SPARC: variants seen among roughly 807,000 people sequenced by gnomAD.
SPARC encodes secreted protein acidic and cysteine rich, also known as basement-membrane protein 40.
Under a neutral mutation model 37.7 loss-of-function variants are expected in SPARC, and 23 were observed. The ratio of observed to expected loss-of-function variants is 0.61; its 90% CI spans 0.44 to 0.87. The LOEUF (loss-of-function observed/expected upper bound fraction) is 0.87. Ranked by LOEUF, SPARC falls within the 40% of genes least tolerant of loss-of-function variation. The probability of loss-of-function intolerance (pLI) is 0.00; values close to 1 mark genes in which losing one functional copy is unlikely to be tolerated. For synonymous variants in SPARC, 155 were observed against 150.8 expected (o/e 1.03, Z -0.20); for missense variants, 312 against 389.0 (o/e 0.80, Z 1.66).
chr5:151,685,420 T>TCACACACACACA (rs368789187), intron 1 of SPARC, among the ~76,000 whole-genome samples: 90 of 107,210 alleles, frequency 8.4e-4, no homozygotes, highest in East Asian at 7.0e-3. Context: ...TCCCTCTCTC[T>TCACACACACACA]CTCACACACA....
rs1488777325 is a variant in SPARC at position 151,666,316 on chromosome 5, C to T, written c.734+45G>A. ...AGGCTTTCTGGCCATAGCTAGTGCA[C>T]CTGCCAGCCTTGAGCTCTGTTCACT... On this transcript the variant is annotated intron_variant, in intron 8 of 9. Coordinates refer to ENST00000231061, the MANE Select transcript of SPARC (RefSeq NM_003118.4). The T allele has an allele frequency of 2.5e-6, 4 of 1,584,642 alleles. No homozygotes were observed. In the East Asian group the frequency reaches 9.0e-5, roughly 36 times the overall value.
chr5:151,672,768 C>T, intron 4 of SPARC: 1 of 283,820 alleles, frequency 3.5e-6, no homozygotes, highest in South Asian at 5.0e-5. Flanking sequence ...GGGGCACGGG[C>T]TGATACAGAA....
At chr5:151,683,093 G>A (rs1288461268) in intron 1 of SPARC, among the ~76,000 whole-genome samples, 2 of 151,048 alleles carry the variant, frequency 1.3e-5, no homozygotes, top group South Asian at 2.1e-4. Flanking sequence ...TTGAGGTTGG[G>A]AGGGAGGGAG....
At chr5:151,673,094 G>C (rs377182633) in intron 4 of SPARC, 35 bp downstream of exon 4, 17 of 1,511,028 alleles carry the variant, frequency 1.1e-5, no homozygotes, top group Non-Finnish European at 1.5e-5. Flanking sequence ...GCCAAGGGCA[G>C]CTTGGATGTG....
At position 151,676,214 on chromosome 5, in the gene SPARC, G is replaced by C. The variant is rs375445438; in HGVS notation, c.-13-13C>G. The C allele has an allele frequency of 1.3e-6, 2 of 1,594,052 alleles. No homozygotes were observed. The highest frequency in any genetic ancestry group is 1.7e-6 in the Non-Finnish European group (2 of 1,166,336). ...GGTGCTGGGAACCCTATGGGGAGGA[G>C]AGATTGAGAGTTCAGTGAGGGTGAG... On this transcript the variant is annotated splice_polypyrimidine_tract_variant and intron_variant, in intron 1 of 9. Coordinates refer to ENST00000231061, the MANE Select transcript of SPARC (RefSeq NM_003118.4).
chr5:151,671,833 G>A, intron 4 of SPARC, 139 bp from the exon 5 acceptor site: 2 of 1,046,736 alleles, frequency 1.9e-6, no homozygotes, highest in Non-Finnish European at 2.7e-6. Flanking sequence ...AGTCCTGCCT[G>A]CTCTTGCACT....
Position 151,663,454 on chromosome 5 carries a change from T to A in SPARC, c.*117A>T. The A allele has an allele frequency of 3.1e-6, 3 of 981,490 alleles. No individual in the cohort carries two copies. The highest frequency in any genetic ancestry group is 4.8e-6 in the Non-Finnish European group (3 of 626,806). 60.8% of individuals were successfully genotyped at this position (981,490 alleles called of 1,614,324 possible). A position where few individuals can be genotyped will look rare whatever the true frequency, so the allele number is the denominator to read the frequency against. ...AGCACCGTTAATGTATTCACTTAAA[T>A]CTATGTTAGCACCTTGTCTCCAGGC... On this transcript the variant is annotated 3_prime_UTR_variant, in exon 10 of 10. Coordinates refer to ENST00000231061, the MANE Select transcript of SPARC (RefSeq NM_003118.4).
chr5:151,666,564 G>T lies in SPARC; in HGVS notation c.586-55C>A, dbSNP rs1238287743. 16 of 1,552,198 alleles carry T rather than the reference G, an allele frequency of 1.0e-5. No individual in the cohort carries two copies. The East Asian group carries it at 3.2e-4, about 31-fold the overall frequency. On this transcript the variant is annotated intron_variant, in intron 7 of 9. Coordinates refer to ENST00000231061, the MANE Select transcript of SPARC (RefSeq NM_003118.4). Reference sequence around the variant, plus strand: ...AGGTCCATGGAGATTGTCTGGACCAGTCGGGCCCTCCCACCCCTCCCAGAA... The same window carrying T: ...AGGTCCATGGAGATTGTCTGGACCATTCGGGCCCTCCCACCCCTCCCAGAA...
intron 8 of SPARC, among the ~76,000 whole-genome samples, chr5:151,665,239 C>T (rs866013088): frequency 6.6e-6 from 1 of 152,212 alleles, no homozygotes; most frequent in Non-Finnish European, 1.5e-5. Flanking sequence ...TGCACCCCAT[C>T]TGAAAGCCTC....
chr5:151,680,591 A>G (rs1390224164), intron 1 of SPARC, among the ~76,000 whole-genome samples: 2 of 152,140 alleles, frequency 1.3e-5, no homozygotes, highest in Non-Finnish European at 2.9e-5. Context: ...ACCATGGTAG[A>G]CAGAGTGATA....
chr5:151,671,805 G>C, intron 4 of SPARC, 111 bp from the exon 5 acceptor site: 1 of 1,472,694 alleles, frequency 6.8e-7, no homozygotes, highest in Non-Finnish European at 9.2e-7. Flanking sequence ...CCCCCACTCT[G>C]GGCTTTGGAC....
intron 3 of SPARC, among the ~76,000 whole-genome samples, chr5:151,673,508 T>G (rs1031064451): frequency 2.6e-5 from 4 of 152,238 alleles, no homozygotes; most frequent in African/African-American, 9.6e-5. Flanking sequence ...ACCTGCCTCC[T>G]ATTCTATGCA....
rs377137899 is a variant in SPARC at position 151,663,789 on chromosome 5, C to T, written c.884-190G>A. Among the ~76,000 whole-genome samples, 64 of 152,304 alleles carry T rather than the reference C, an allele frequency of 4.2e-4. No homozygotes were observed. The East Asian group carries it at 7.9e-3, about 19-fold the overall frequency. Reference sequence around the variant, plus strand: ...CTGGCCTGTCCCTGTCTCTTACACACGCTGCCAAGTTACACTTCCTGTTTC... The same window carrying T: ...CTGGCCTGTCCCTGTCTCTTACACATGCTGCCAAGTTACACTTCCTGTTTC... On this transcript the variant is annotated intron_variant, in intron 9 of 9. Coordinates refer to ENST00000231061, the MANE Select transcript of SPARC (RefSeq NM_003118.4).
At chr5:151,677,308 T>C (rs1246644158) in intron 1 of SPARC, among the ~76,000 whole-genome samples, 1 of 152,180 alleles carries the variant, frequency 6.6e-6, no homozygotes, top group African/African-American at 2.4e-5. Context: ...CCATCTCCCC[T>C]GCAGCCACAA....
chr5:151,665,182 C>T (rs1311487516), intron 8 of SPARC, among the ~76,000 whole-genome samples: 1 of 152,126 alleles, frequency 6.6e-6, no homozygotes, highest in African/African-American at 2.4e-5. Context: ...GAGGAGGAAG[C>T]GGGTCCCCTT....
At position 151,666,393 on chromosome 5, in the gene SPARC, C is replaced by T. The variant is rs1581519926; in HGVS notation, c.702G>A (p.Gln234=). ...YNMYIFPVHW[Q]FGQLDQHPID... ...TGGGGTGCTGGTCCAGCTGGCCGAA[C>T]TGCCAGTGTACAGGGAAGATGTACA... The change falls in exon 8 of 10, where the codon CAG becomes CAA. Residue 234 remains glutamine (Q), a synonymous_variant. Transcript: ENST00000231061. 1 of 1,614,124 alleles carries T rather than the reference C, an allele frequency of 6.2e-7. No homozygotes were observed. The highest frequency in any genetic ancestry group is 8.5e-7 in the Non-Finnish European group (1 of 1,179,974).
At chr5:151,673,056 G>GGCT (rs1252510527) in intron 4 of SPARC, 73 bp downstream of exon 4, 1 of 1,016,510 alleles carries the variant, frequency 9.8e-7, no homozygotes, top group African/African-American at 1.6e-5. Context: ...GCCTCATGTA[G>GGCT]GCTGTCCTCG....
At chr5:151,671,747 C>T in intron 4 of SPARC, 53 bp from the exon 5 acceptor site, 1 of 1,605,694 alleles carries the variant, frequency 6.2e-7, no homozygotes, top group Non-Finnish European at 8.5e-7. Context: ...GCACATCCAC[C>T]CCCATCCTAC....
Position 151,669,758 on chromosome 5 carries a change from G to C in SPARC, c.357C>G (p.Phe119Leu), listed in dbSNP as rs779676614. 14 of 1,614,070 alleles carry C rather than the reference G, an allele frequency of 8.7e-6. No homozygotes were observed. Among genetic ancestry groups the C allele is most frequent in the Admixed American group, 3.3e-5 (2 of 60,010 alleles). Residue 119 changes from phenylalanine (F) to leucine (L), a missense_variant, in exon 6 of 10, where the codon TTC becomes TTG. By Grantham distance (22) the Phe-to-Leu change is conservative. Transcript: ENST00000231061. The part of the protein sequence containing the change: ...EKVCSNDNKT[F>L]DSSCHFFATK... ...TGGCAAAGAAGTGGCAGGAAGAGTC[G>C]AAGGTCTTGTTGTCATTGCTGCACA...
Sources: gnomAD v4.1 joint callset for allele counts (sites outside exome capture counted in the v4.1 genomes callset) on GRCh38, gnomAD v4.1.1 for gene constraint, MANE v1.5 for transcripts, NCBI Gene and HGNC (gene_info 2026-07-23, HGNC 2026-07-21) for gene names.